Variants in EYA1 observed in about 807,000 individuals in gnomAD.
The protein encoded by EYA1 is EYA transcriptional coactivator and phosphatase 1, also known as protein phosphatase EYA1.
Under a neutral mutation model 82.0 loss-of-function variants are expected in EYA1, and 16 were observed. That is an observed-to-expected ratio of 0.20 (90% CI 0.13 to 0.30). The LOEUF (loss-of-function observed/expected upper bound fraction) is 0.30. EYA1 is among the 10% of genes least tolerant of loss of function. The pLI is 1.00. For missense variants in EYA1, 633 were observed against 730.7 expected (o/e 0.87, Z 1.54); for synonymous variants, 261 against 264.4 (o/e 0.99, Z 0.12).
intron 9 of EYA1, among the ~76,000 whole-genome samples, chr8:71,286,607 A>C (rs1441338405): frequency 6.6e-6 from 1 of 152,104 alleles, no homozygotes; most frequent in Non-Finnish European, 1.5e-5. Flanking sequence ...GAGAATAGAA[A>C]TAGACATTTT....
chr8:71,362,263 G>A (rs1827472720), upstream of EYA1: 7 of 907,970 alleles, frequency 7.7e-6, no homozygotes, highest in Non-Finnish European at 9.0e-6. Context: ...GCACTGCTCT[G>A]TCTGACTCAA....
intron 2 of EYA1, among the ~76,000 whole-genome samples, chr8:71,399,008 G>A (rs549165327): frequency 1.6e-4 from 24 of 152,328 alleles, no homozygotes; most frequent in African/African-American, 4.6e-4. Context: ...ATGCCCCTCC[G>A]ACAGCCTTGC....
At chr8:71,231,855 C>G (rs949716905) in intron 12 of EYA1, among the ~76,000 whole-genome samples, 4 of 152,148 alleles carry the variant, frequency 2.6e-5, no homozygotes, top group Non-Finnish European at 5.9e-5. Flanking sequence ...TTTTAAGTTG[C>G]CTGGGCAACT....
At chr8:71,496,428 G>A (rs1441346624) in intron 2 of EYA1, among the ~76,000 whole-genome samples, 3 of 152,122 alleles carry the variant, frequency 2.0e-5, no homozygotes, top group Non-Finnish European at 4.4e-5. Context: ...AACAGGAAGG[G>A]TTTCTGAATT....
At chr8:71,259,730 G>C (rs992912482) in intron 11 of EYA1, among the ~76,000 whole-genome samples, 9 of 152,118 alleles carry the variant, frequency 5.9e-5, no homozygotes, top group Admixed American at 6.6e-5. Flanking sequence ...AAAGTTGAAG[G>C]GAAACCTGTT....
In EYA1 at chr8:71,215,272, A is replaced by AT. The variant is rs367683185; in HGVS notation, c.1597+114dup. 3,072 of 856,776 alleles carry AT rather than the reference A, an allele frequency of 3.6e-3. 1 individual carries two copies. Among genetic ancestry groups the AT allele is most frequent in the African/African-American group, 5.9e-3 (340 of 57,216 alleles). 53.1% of individuals were successfully genotyped at this position (856,776 alleles called of 1,614,324 possible). On this transcript the variant is annotated intron_variant, in intron 16 of 17. Coordinates refer to ENST00000340726, the MANE Select transcript of EYA1 (RefSeq NM_000503.6). ...TGCAAATTGGTTAAATTATTCTTGT[A>AT]TTTTTTTTTTGACCTATGTAGCATT...
At chr8:71,293,267 C>T (rs1329607120) in intron 9 of EYA1, among the ~76,000 whole-genome samples, 1 of 152,030 alleles carries the variant, frequency 6.6e-6, no homozygotes, top group African/African-American at 2.4e-5. Context: ...TAGGTCTGTA[C>T]CTATTAAAGA....
intron 11 of EYA1, among the ~76,000 whole-genome samples, chr8:71,256,761 A>T (rs1814474272): frequency 6.6e-6 from 1 of 152,186 alleles, no homozygotes; most frequent in Admixed American, 6.5e-5. Flanking sequence ...ACACTTTGGG[A>T]GGCCAAGGTG....
intron 2 of EYA1, among the ~76,000 whole-genome samples, chr8:71,492,754 T>C (rs372505587): frequency 7.2e-5 from 11 of 152,240 alleles, no homozygotes; most frequent in African/African-American, 2.4e-4. Context: ...CGTGAGCCAC[T>C]GCGCCCGGCC....
At chr8:71,415,518 G>A (rs1830806579) in intron 2 of EYA1, among the ~76,000 whole-genome samples, 1 of 152,176 alleles carries the variant, frequency 6.6e-6, no homozygotes, top group African/African-American at 2.4e-5. Context: ...TCAACAAGCT[G>A]CTCTGCTTCA....
In EYA1 at chr8:71,322,266, T is replaced by G. The variant is rs1032162749; in HGVS notation, c.205A>C (p.Ile69Leu). Residue 69 changes from isoleucine (I) to leucine (L), a missense_variant and splice_region_variant, in exon 5 of 18, where the codon ATT becomes CTT. Ile to Leu is a conservative substitution (Grantham distance 5). Coordinates refer to ENST00000340726, the MANE Select transcript of EYA1 (RefSeq NM_000503.6). ...CGTGGGCTGAAACTACTGCTCCCAATTGCTGGAAAACAAAAACAAAACAAA... is the reference window on the plus strand; with the variant it reads ...CGTGGGCTGAAACTACTGCTCCCAAGTGCTGGAAAACAAAAACAAAACAAA... ...GSLNNFSGSA[I>L]GSSSFSPRPT... The G allele has an allele frequency of 6.2e-7, 1 of 1,613,726 alleles. No homozygotes were observed. The highest frequency in any genetic ancestry group is 1.1e-5 in the South Asian group (1 of 91,072).
intron 2 of EYA1, among the ~76,000 whole-genome samples, chr8:71,368,806 T>C (rs961905733): frequency 6.6e-6 from 1 of 152,034 alleles, no homozygotes; most frequent in African/African-American, 2.4e-5. Flanking sequence ...CTTTAACCTC[T>C]GTATTTAGAA....
intron 4 of EYA1, among the ~76,000 whole-genome samples, chr8:71,324,918 CAACAG>C (rs1027164243): frequency 1.3e-4 from 20 of 152,282 alleles, no homozygotes; most frequent in Non-Finnish European, 1.5e-4. Flanking sequence ...TGGACTACTG[CAACAG>C]TTACAGAGCC....
intron 2 of EYA1, among the ~76,000 whole-genome samples, chr8:71,433,569 T>C (rs986501009): frequency 1.3e-5 from 2 of 152,210 alleles, no homozygotes; most frequent in Non-Finnish European, 2.9e-5. Context: ...AAGGAAGTAC[T>C]AAGTTAGCAA....
intron 2 of EYA1, among the ~76,000 whole-genome samples, chr8:71,409,992 C>G (rs374365868): frequency 1.3e-5 from 2 of 150,608 alleles, no homozygotes; most frequent in Non-Finnish European, 3.0e-5. Context: ...ACTGGCAAAC[C>G]GAATCCAGCA....
chr8:71,427,319 C>T (rs1246532131), intron 2 of EYA1, among the ~76,000 whole-genome samples: 2 of 152,178 alleles, frequency 1.3e-5, no homozygotes, highest in Non-Finnish European at 2.9e-5. Context: ...ATTATATCGA[C>T]TCCCCTGCTG....
At chr8:71,209,118 C>A (rs1018065874) in intron 17 of EYA1, among the ~76,000 whole-genome samples, 6 of 152,252 alleles carry the variant, frequency 3.9e-5, no homozygotes, top group African/African-American at 1.4e-4. Context: ...GTCAGAGGTA[C>A]AAATCTGTTC....
chr8:71,439,047 G>C (rs1032325079), intron 2 of EYA1, among the ~76,000 whole-genome samples: 1 of 152,018 alleles, frequency 6.6e-6, no homozygotes, highest in Non-Finnish European at 1.5e-5. Context: ...AACCAAGCAG[G>C]GACCCAAATA....
chr8:71,251,178 G>A (rs1295790583), intron 11 of EYA1, among the ~76,000 whole-genome samples: 3 of 152,146 alleles, frequency 2.0e-5, no homozygotes, highest in Admixed American at 1.3e-4. Flanking sequence ...GTAGTGGTAT[G>A]TATTACACCA....
Sources: allele counts gnomAD v4.1 joint callset (sites outside exome capture counted in the v4.1 genomes callset), GRCh38; gene constraint gnomAD v4.1.1; transcripts MANE v1.5; gene names NCBI Gene and HGNC (gene_info 2026-07-23, HGNC 2026-07-21).